The following PI16 variants were observed in gnomAD, a reference collection of about 807,000 sequenced individuals.
The protein encoded by PI16 is peptidase inhibitor 16.
Under a neutral mutation model 38.0 loss-of-function variants are expected in PI16, and 35 were observed. The observed-to-expected ratio is 0.92, with a 90% CI of 0.70 to 1.22. The LOEUF (loss-of-function observed/expected upper bound fraction) is 1.22, where lower values mean the gene tolerates loss of function less well. Among genes scored for constraint, PI16 ranks in the 50% most tolerant of loss-of-function variants. PI16 has a pLI of 0.00. For missense variants in PI16, 572 were observed against 593.8 expected (o/e 0.96, Z 0.38); for synonymous variants, 275 against 252.9 (o/e 1.09, Z -0.83).
intron 1 of PI16, among the ~76,000 whole-genome samples, chr6:36,956,925 C>G (rs1249616631): frequency 2.0e-5 from 3 of 152,180 alleles, no homozygotes; most frequent in Admixed American, 6.5e-5. Context: ...TTTTGCCACC[C>G]CGAAGGTTCA....
At chr6:36,958,623 TG>T (rs1763265879) in intron 1 of PI16, among the ~76,000 whole-genome samples, 1 of 141,466 alleles carries the variant, frequency 7.1e-6, no homozygotes, top group Non-Finnish European at 1.5e-5. Flanking sequence ...GGTAAAGGCA[TG>T]GGGGCTGGGT....
rs772887864 is a variant in PI16, at chr6:36,954,744, A to G, written c.-17A>G. On this transcript the variant is annotated 5_prime_UTR_variant, in exon 1 of 7. Transcript: ENST00000373674. ...TGCCAGACCCCTGGACGGGAGAAGGAGAGACGGCTGGCCACCATGCACGGC... is the reference window on the plus strand; with the variant it reads ...TGCCAGACCCCTGGACGGGAGAAGGGGAGACGGCTGGCCACCATGCACGGC... 1.9e-6 allele frequency: 3 copies of G among 1,605,116 alleles called. No homozygotes were observed. The Admixed American group carries it at 5.1e-5, about 27-fold the overall frequency.
At position 36,959,243 on chromosome 6, in the gene PI16, C is replaced by A. The variant is rs749368292; in HGVS notation, c.270C>A (p.Phe90Leu). Residue 90 changes from phenylalanine to leucine, a missense_variant, in exon 2 of 7, where the codon TTC (phenylalanine) becomes TTA (leucine). Transcript: ENST00000373674. ...KERGRRGENL[F>L]AITDEGMDVP... ...GCGGGCGCCGCGGCGAGAATCTGTT[C>A]GCCATCACAGACGAGGGCATGGACG... 6.2e-7 allele frequency: 1 copy of A among 1,608,594 alleles called. No homozygotes were observed. Among genetic ancestry groups the A allele is most frequent in the African/African-American group, 1.3e-5 (1 of 75,002 alleles).
At chr6:36,951,149 A>AT (rs1429985704), upstream of PI16, among the ~76,000 whole-genome samples, 1 of 152,242 alleles carries the variant, frequency 6.6e-6, no homozygotes, top group Non-Finnish European at 1.5e-5. Context: ...GGCCACTTGT[A>AT]TATCTTCTCT....
rs1235138818 is a variant in PI16 at position 36,963,644 on chromosome 6, C to CAT, written c.1270+32_1270+33insAT. 5 of 1,599,858 alleles carry CAT rather than the reference C, an allele frequency of 3.1e-6. No individual in the cohort carries two copies. The East Asian group carries it at 8.9e-5, about 29-fold the overall frequency. On this transcript the variant is annotated intron_variant, in intron 5 of 6. Coordinates refer to ENST00000373674, the MANE Select transcript of PI16 (RefSeq NM_153370.3). ...CCCATAGCATCTGTCCCACTTTCCT[C>CAT]CTGGCTCTGGAATGTCAGTATCCTG... is the stretch of plus-strand genomic sequence containing the variant.
At chr6:36,950,933 G>A (rs931653740), upstream of PI16, among the ~76,000 whole-genome samples, 1 of 152,244 alleles carries the variant, frequency 6.6e-6, no homozygotes, top group Non-Finnish European at 1.5e-5. The surrounding 1 kb of genome is among the most constrained non-coding windows in gnomAD (Gnocchi z 4.2). Context: ...TTGAGGCACC[G>A]TCACACTGTC....
At chr6:36,956,350 C>A (rs1763206789) in intron 1 of PI16, among the ~76,000 whole-genome samples, 1 of 152,224 alleles carries the variant, frequency 6.6e-6, no homozygotes, top group South Asian at 2.1e-4. Flanking sequence ...ACCTGTAGAT[C>A]CCTGATGCCC....
At chr6:36,959,442 AC>A (rs1763294939) in intron 2 of PI16, 76 bp downstream of exon 2, 1 of 1,402,230 alleles carries the variant, frequency 7.1e-7, no homozygotes, top group African/African-American at 1.4e-5. Flanking sequence ...GGGCGGGGCC[AC>A]CTCTGCCTTC....
At position 36,963,407 on chromosome 6, in the gene PI16, GGAGGCT is replaced by G. The variant is rs770261947; in HGVS notation, c.1081_1086del (p.Ala361_Glu362del). On this transcript the variant is annotated inframe_deletion, in exon 5 of 7. Transcript: ENST00000373674. ...GGGAACTCCTACCCCATGCCCAGGA[GGAGGCT>G]GAGGCTGAGGCTGAGTTGCCTCCTT... 1.2e-6 allele frequency: 2 copies of G among 1,614,180 alleles called. No individual in the cohort carries two copies. Among genetic ancestry groups the G allele is most frequent in the East Asian group, 2.2e-5 (1 of 44,882 alleles).
Position 36,961,570 on chromosome 6 carries a change from G to A in PI16, c.503+10G>A, listed in dbSNP as rs745403013. ...GCAACTATGAGCCTCCGTGAGTGCC[G>A]GGGGGAACCCTGGAGATGGAGAGGG... On this transcript the variant is annotated intron_variant, in intron 3 of 6. Transcript: ENST00000373674. The A allele has an allele frequency of 1.7e-5, 28 of 1,606,754 alleles. No individual in the cohort carries two copies. Among genetic ancestry groups the A allele is most frequent in the South Asian group, 2.2e-5 (2 of 90,868 alleles).
Position 36,959,308 on chromosome 6 carries a change from A to G in PI16, c.335A>G (p.His112Arg), listed in dbSNP as rs1287442492. ...AMEEWHHEREHYNLSAATCSP... is the reference protein window; with the variant it reads ...AMEEWHHERERYNLSAATCSP... ...GAGGAGTGGCACCACGAGCGTGAGC[A>G]CTACAACCTCAGCGCCGCCACCTGC... is the stretch of plus-strand genomic sequence containing the variant. Residue 112 changes from histidine to arginine, a missense_variant, in exon 2 of 7, where the codon CAC (histidine) becomes CGC (arginine). By Grantham distance (29) the His-to-Arg change is conservative. Transcript: ENST00000373674. 1.9e-6 allele frequency: 3 copies of G among 1,587,570 alleles called. No homozygotes were observed. The highest frequency in any genetic ancestry group is 2.6e-6 in the Non-Finnish European group (3 of 1,167,428).
rs924989134 is a variant in PI16 at position 36,964,807 on chromosome 6, C to T, written c.*440C>T. ...GAGGGAAGGAAAGTAACTCCTGACT[C>T]TCCAATAAAAACCTGTCCAACCTGT... is the stretch of plus-strand genomic sequence containing the variant. On this transcript the variant is annotated 3_prime_UTR_variant, in exon 7 of 7. Transcript: ENST00000373674. The T allele has an allele frequency of 1.3e-5, 2 of 152,362 alleles. No homozygotes were observed. Among genetic ancestry groups the T allele is most frequent in the South Asian group, 2.1e-4 (1 of 4,832 alleles). 9.4% of individuals were successfully genotyped at this position (152,362 alleles called of 1,614,324 possible). A position where few individuals can be genotyped will look rare whatever the true frequency, so the allele number is the denominator to read the frequency against.
rs1225509815 is a variant in PI16 at position 36,961,467 on chromosome 6, CAG to C, written c.415_416del (p.Arg139AspfsTer9). On this transcript the variant is annotated frameshift_variant, in exon 3 of 7. Coordinates refer to ENST00000373674, the MANE Select transcript of PI16 (RefSeq NM_153370.3). LOFTEE classifies it high-confidence loss of function. ...CTTCATCAGGTGGTATGGGCCAAGACAGAGAGGATCGGCTGTGGTTCCCACTT... is the reference window on the plus strand; with the variant it reads ...CTTCATCAGGTGGTATGGGCCAAGACAGAGGATCGGCTGTGGTTCCCACTT... 3 of 1,614,084 alleles carry C rather than the reference CAG, an allele frequency of 1.9e-6. No individual in the cohort carries two copies. The highest frequency in any genetic ancestry group is 2.5e-6 in the Non-Finnish European group (3 of 1,180,032).
intron 2 of PI16, 86 bp from the exon 3 acceptor site, chr6:36,961,365 C>G (rs1763360504): frequency 1.7e-6 from 2 of 1,198,124 alleles, no homozygotes; most frequent in Non-Finnish European, 2.5e-6. Context: ...CTTCTCTCCA[C>G]TCCTGTAAGG....
In PI16 at chr6:36,962,548, C is replaced by T. The variant is rs1763398351; in HGVS notation, c.593-387C>T. 6.6e-6 allele frequency among the ~76,000 whole-genome samples: 1 copy of T among 152,082 alleles called. No homozygotes were observed. Among genetic ancestry groups the T allele is most frequent in the Non-Finnish European group, 1.5e-5 (1 of 67,998 alleles). ...AGTGCAATGGCTCGATCTCGGCTCACCTGCAACCTCCGCCTCCCGGTTTGA... is the reference window on the plus strand; with the variant it reads ...AGTGCAATGGCTCGATCTCGGCTCATCTGCAACCTCCGCCTCCCGGTTTGA... On this transcript the variant is annotated intron_variant, in intron 4 of 6. Transcript: ENST00000373674. The surrounding 1 kb of genome is among the most constrained non-coding windows in gnomAD (Gnocchi z 4.1).
chr6:36,956,909 C>T (rs1763221934), intron 1 of PI16, among the ~76,000 whole-genome samples: 2 of 152,184 alleles, frequency 1.3e-5, no homozygotes, highest in South Asian at 2.1e-4. Context: ...AGCTAATCAG[C>T]ACCAGTTTTG....
In PI16 at chr6:36,962,081, G is replaced by A. The variant is rs1306918015; in HGVS notation, c.592+107G>A. The A allele has an allele frequency of 1.1e-6, 1 of 929,382 alleles. No homozygotes were observed. Among genetic ancestry groups the A allele is most frequent in the Non-Finnish European group, 1.7e-6 (1 of 592,384 alleles). The allele number at this position is 929,382 out of a possible 1,614,324, so 57.6% of individuals were successfully genotyped here. ...ACTGAGCGGGACGTGGGCAGGGAAGGAGCCTGGTGGGATGCGACCACCGGG... is the reference window on the plus strand; with the variant it reads ...ACTGAGCGGGACGTGGGCAGGGAAGAAGCCTGGTGGGATGCGACCACCGGG... On this transcript the variant is annotated intron_variant, in intron 4 of 6. Coordinates refer to ENST00000373674, the MANE Select transcript of PI16 (RefSeq NM_153370.3). The surrounding 1 kb of genome is among the most constrained non-coding windows in gnomAD (Gnocchi z 4.1).
rs769831376 is a variant in PI16, at chr6:36,954,929, A to G, written c.169A>G (p.Met57Val). The G allele has an allele frequency of 9.3e-6, 15 of 1,612,582 alleles. No individual in the cohort carries two copies. The South Asian group carries it at 1.2e-4, about 13-fold the overall frequency. Residue 57 changes from methionine to valine, a missense_variant and splice_region_variant, in exon 1 of 7, where the codon ATG becomes GTG. Transcript: ENST00000373674. ...CCCGACGGCCTCAGACATGCTGCAC[A>G]TGGTAAGTGTGGCCACGGCCCTTGC... is the stretch of plus-strand genomic sequence containing the variant. The part of the protein sequence containing the change: ...VSPTASDMLH[M>V]RWDEELAAFA...
At chr6:36,951,561 T>G (rs186653159), upstream of PI16, among the ~76,000 whole-genome samples, 1 of 152,138 alleles carries the variant, frequency 6.6e-6, no homozygotes, top group Non-Finnish European at 1.5e-5. Flanking sequence ...TCAAATTGTT[T>G]TGTTGTTGTT....
Sources: allele counts gnomAD v4.1 joint callset (sites outside exome capture counted in the v4.1 genomes callset), GRCh38; gene constraint gnomAD v4.1.1; non-coding constraint Gnocchi (gnomAD v3.1); transcripts MANE v1.5; gene names NCBI Gene and HGNC (gene_info 2026-07-23, HGNC 2026-07-21).